NHERF1: variants seen among roughly 807,000 people sequenced by gnomAD.
NHERF1 encodes the protein Na(+)/H(+) exchange regulatory cofactor NHE-RF1.
chr17:74,764,068 T>G, the NHERF1 span, among the ~76,000 whole-genome samples: 1 of 152,162 alleles, frequency 6.6e-6, no homozygotes, highest in African/African-American at 2.4e-5. The surrounding 1 kb of genome is among the most constrained non-coding windows in gnomAD (Gnocchi z 4.9). Context: ...CTGCCAAGCC[T>G]GGCGCCTCCC....
chr17:74,762,313 TGGGA>T, the NHERF1 span: 44 of 434,264 alleles, frequency 1.0e-4, 1 homozygote, highest in East Asian at 3.5e-4. The surrounding 1 kb of genome is among the most constrained non-coding windows in gnomAD (Gnocchi z 4.2). Flanking sequence ...GATGGGTGGA[TGGGA>T]GGGAGGGAGG....
At chr17:74,759,489 C>A in the NHERF1 span, among the ~76,000 whole-genome samples, 1 of 152,224 alleles carries the variant, frequency 6.6e-6, no homozygotes, top group Admixed American at 6.5e-5. Context: ...CACAGCCCTG[C>A]CCTGCCAGCC....
chr17:74,756,783 T>C, the NHERF1 span, among the ~76,000 whole-genome samples: 4 of 152,212 alleles, frequency 2.6e-5, no homozygotes, highest in Non-Finnish European at 5.9e-5. Context: ...ACTTTCCTTT[T>C]AGGACTATAA....
At chr17:74,768,112 C>T in the NHERF1 span, 1 of 1,448,906 alleles carries the variant, frequency 6.9e-7, no homozygotes, top group Non-Finnish European at 9.7e-7. Context: ...CTCACCCCAT[C>T]CTCTGACAAC....
chr17:74,768,912 T>C, the NHERF1 span: 38 of 515,570 alleles, frequency 7.4e-5, no homozygotes, highest in Admixed American at 1.3e-4. Flanking sequence ...GGGTGTCCCT[T>C]TGCCACCCTG....
At chr17:74,768,534 C>G in the NHERF1 span, 1 of 1,614,126 alleles carries the variant, frequency 6.2e-7, no homozygotes, top group African/African-American at 1.3e-5. Flanking sequence ...CTCCTCCGAC[C>G]CCATCCTAGA....
chr17:74,762,081 G>A, the NHERF1 span: 24 of 1,614,086 alleles, frequency 1.5e-5, no homozygotes, highest in African/African-American at 2.7e-5. This position sits in a 1 kb window ranked among gnomAD's most constrained non-coding sequence, Gnocchi z 4.2. Flanking sequence ...CCTGCACAGC[G>A]ACAAGTCCAA....
At chr17:74,756,273 C>CTTTTTTTTTTTTTTTTTT in the NHERF1 span, among the ~76,000 whole-genome samples, 9 of 71,992 alleles carry the variant, frequency 1.3e-4, no homozygotes, top group African/African-American at 2.9e-4. Flanking sequence ...TTCTTTCTTT[C>CTTTTTTTTTTTTTTTTTT]TTTTTTTTTT....
At chr17:74,765,202 G>A in the NHERF1 span, among the ~76,000 whole-genome samples, 7 of 152,048 alleles carry the variant, frequency 4.6e-5, no homozygotes, top group East Asian at 1.9e-4. Context: ...GAGCCTTCTC[G>A]TCCCCCCTCA....
chr17:74,755,000 G>T, the NHERF1 span, among the ~76,000 whole-genome samples: 1 of 152,146 alleles, frequency 6.6e-6, no homozygotes, highest in Admixed American at 6.5e-5. Context: ...GGTGGCCATG[G>T]CGGGTCCCAG....
chr17:74,748,639 G>C, the NHERF1 span: 1 of 499,886 alleles, frequency 2.0e-6, no homozygotes. This position sits in a 1 kb window ranked among gnomAD's most constrained non-coding sequence, Gnocchi z 4.3. Flanking sequence ...GACGCCGCGC[G>C]GGGCGGGGAT....
At chr17:74,768,940 A>G in the NHERF1 span, 1 of 468,734 alleles carries the variant, frequency 2.1e-6, no homozygotes, top group East Asian at 4.1e-5. Flanking sequence ...CATCGCTGGA[A>G]CCTGCACCAT....
At chr17:74,758,863 G>A in the NHERF1 span, among the ~76,000 whole-genome samples, 3 of 152,310 alleles carry the variant, frequency 2.0e-5, no homozygotes, top group Non-Finnish European at 4.4e-5. The surrounding 1 kb of genome is among the most constrained non-coding windows in gnomAD (Gnocchi z 4.3). Context: ...TGCTGGGCCT[G>A]GAGACCACAG....
the NHERF1 span, chr17:74,763,390 G>C: frequency 6.2e-7 from 1 of 1,614,114 alleles, no homozygotes; most frequent in Non-Finnish European, 8.5e-7. Flanking sequence ...GCATGGAGGG[G>C]AAGCAGCATG....
chr17:74,759,847 T>C, the NHERF1 span, among the ~76,000 whole-genome samples: 2 of 152,230 alleles, frequency 1.3e-5, no homozygotes. Flanking sequence ...GTTGGAGTTC[T>C]GGCTGTGTGA....
the NHERF1 span, among the ~76,000 whole-genome samples, chr17:74,753,465 A>G: frequency 6.6e-6 from 1 of 152,162 alleles, no homozygotes; most frequent in African/African-American, 2.4e-5. Context: ...TGGATTTGAA[A>G]TGGACAGGGT....
chr17:74,768,130 C>G, the NHERF1 span: 1 of 1,578,866 alleles, frequency 6.3e-7, no homozygotes, highest in Non-Finnish European at 8.7e-7. Flanking sequence ...AACCCACAAC[C>G]CTCTCCTCTC....
At chr17:74,764,380 G>A in the NHERF1 span, among the ~76,000 whole-genome samples, 1 of 152,234 alleles carries the variant, frequency 6.6e-6, no homozygotes, top group South Asian at 2.1e-4. This position sits in a 1 kb window ranked among gnomAD's most constrained non-coding sequence, Gnocchi z 4.9. Context: ...TCCAAGGCCT[G>A]AGGCTCCTAG....
At chr17:74,757,378 C>A in the NHERF1 span, among the ~76,000 whole-genome samples, 1 of 152,082 alleles carries the variant, frequency 6.6e-6, no homozygotes, top group Non-Finnish European at 1.5e-5. Flanking sequence ...ATTCCCCTGC[C>A]GCCCGCACAG....
Sources: gnomAD v4.1 joint callset for allele counts (sites outside exome capture counted in the v4.1 genomes callset) on GRCh38, gnomAD v4.1.1 for gene constraint, Gnocchi (gnomAD v3.1) non-coding constraint, MANE v1.5 for transcripts, NCBI Gene and HGNC (gene_info 2026-07-23, HGNC 2026-07-21) for gene names.